The following FGF1 variants were observed in gnomAD, a reference collection of about 807,000 sequenced individuals.
FGF1 encodes fibroblast growth factor 1.
FGF1 carries 9 observed loss-of-function variants against 13.4 expected under a neutral mutation model. The ratio of observed to expected loss-of-function variants is 0.67; its 90% CI spans 0.40 to 1.17. The LOEUF is 1.17. Among genes scored for constraint, FGF1 ranks in the 50% most tolerant of loss-of-function variants. FGF1 has a pLI of 0.01. For missense variants in FGF1, 156 were observed against 192.7 expected (o/e 0.81, Z 1.13); for synonymous variants, 93 against 79.0 (o/e 1.18, Z -0.94).
At chr5:142,648,293 G>A (rs995532417) in intron 1 of FGF1, among the ~76,000 whole-genome samples, 5 of 151,976 alleles carry the variant, frequency 3.3e-5, no homozygotes, top group African/African-American at 1.2e-4. Context: ...AAAAAAAAAT[G>A]TGGCACATAT....
intron 2 of FGF1, among the ~76,000 whole-genome samples, chr5:142,696,004 A>G (rs1753055206): frequency 6.6e-6 from 1 of 152,102 alleles, no homozygotes; most frequent in Non-Finnish European, 1.5e-5. Flanking sequence ...GAACTGGGCA[A>G]GGGTGGGTGA....
chr5:142,651,125 G>T (rs569005085), intron 1 of FGF1, among the ~76,000 whole-genome samples: 1 of 151,948 alleles, frequency 6.6e-6, no homozygotes, highest in Admixed American at 6.6e-5. Context: ...CCTGAGTACC[G>T]AGAAGGGTGC....
At chr5:142,695,581 C>A (rs1456028231) in intron 2 of FGF1, among the ~76,000 whole-genome samples, 67 of 117,216 alleles carry the variant, frequency 5.7e-4, no homozygotes, top group South Asian at 1.6e-3. Flanking sequence ...GACTCTGTAT[C>A]AAAAAGAAAA....
In FGF1 at chr5:142,636,807, A is replaced by G. The variant is rs148971636; in HGVS notation, c.-34-22646T>C. On this transcript the variant is annotated intron_variant, in intron 1 of 3. Transcript: ENST00000337706. ...CAAGTTTTACTTGGGGGAACTGAAC[A>G]GAGTCCATTATGGATGAGGGGAGAA... Among the ~76,000 whole-genome samples, 78 of 152,178 alleles carry G rather than the reference A, an allele frequency of 5.1e-4. 1 individual carries two copies. In the East Asian group the frequency reaches 0.012, roughly 24 times the overall value.
At chr5:142,633,827 C>T (rs1196637297) in intron 1 of FGF1, among the ~76,000 whole-genome samples, 3 of 152,166 alleles carry the variant, frequency 2.0e-5, no homozygotes, top group Non-Finnish European at 4.4e-5. Context: ...CTCCTCCACT[C>T]CTGGCATCTG....
intron 3 of FGF1, among the ~76,000 whole-genome samples, chr5:142,596,383 T>C (rs1398058582): frequency 6.7e-6 from 1 of 149,738 alleles, no homozygotes; most frequent in Admixed American, 6.7e-5. Flanking sequence ...GGCAGGAGGA[T>C]TGCTTGAGCC....
intron 2 of FGF1, among the ~76,000 whole-genome samples, chr5:142,694,584 T>A (rs551952055): frequency 4.1e-4 from 62 of 152,242 alleles, no homozygotes; most frequent in Admixed American, 1.6e-3. Flanking sequence ...GAGATCAGAA[T>A]TTGGTTGCCT....
At chr5:142,639,158 C>T (rs773569905) in intron 1 of FGF1, among the ~76,000 whole-genome samples, 20 of 152,008 alleles carry the variant, frequency 1.3e-4, no homozygotes, top group Non-Finnish European at 7.3e-5. Flanking sequence ...ATCCAGCAAT[C>T]CTACTATTGG....
At position 142,592,741 on chromosome 5, in the gene FGF1, G is replaced by C. The variant is rs1006255047; in HGVS notation, c.*2549C>G. 3 of 306,906 alleles carry C rather than the reference G, an allele frequency of 9.8e-6. No homozygotes were observed. Among genetic ancestry groups the C allele is most frequent in the African/African-American group, 6.5e-5 (3 of 46,446 alleles). The allele number at this position is 306,906 out of a possible 1,614,324, so 19.0% of individuals were successfully genotyped here. On this transcript the variant is annotated 3_prime_UTR_variant, in exon 4 of 4. Transcript: ENST00000337706. ...CCCCTGAAGCTGACCCGGTTCTAAA[G>C]TTGAAAATGCTAAGTTTACCTTGCC... is the stretch of plus-strand genomic sequence containing the variant.
chr5:142,695,821 A>G (rs2152074887), intron 2 of FGF1, among the ~76,000 whole-genome samples: 1 of 152,306 alleles, frequency 6.6e-6, no homozygotes, highest in South Asian at 2.1e-4. Flanking sequence ...TGAAGTTCTT[A>G]AAGAACATAT....
intron 2 of FGF1, among the ~76,000 whole-genome samples, chr5:142,696,923 G>A (rs772475603): frequency 9.2e-5 from 14 of 152,166 alleles, no homozygotes; most frequent in Non-Finnish European, 1.6e-4. Context: ...AAGTGATAGT[G>A]GCGTCTATCC....
chr5:142,677,930 G>C (rs1772952137), intron 1 of FGF1, among the ~76,000 whole-genome samples: 1 of 152,074 alleles, frequency 6.6e-6, no homozygotes, highest in African/African-American at 2.4e-5. Flanking sequence ...AGTCAGAGGG[G>C]AGAAACAGGG....
intron 1 of FGF1, among the ~76,000 whole-genome samples, chr5:142,672,438 A>C (rs1438564251): frequency 6.6e-6 from 1 of 151,796 alleles, no homozygotes; most frequent in Non-Finnish European, 1.5e-5. Context: ...TACACAGCAA[A>C]TTACTCACAT....
chr5:142,599,652 C>A (rs17099062), intron 3 of FGF1, among the ~76,000 whole-genome samples: 3,758 of 152,294 alleles, frequency 0.025, 163 homozygotes, highest in African/African-American at 0.086. Context: ...TAAGCTGTCT[C>A]TCCAGTTAAC....
chr5:142,652,244 A>G lies in FGF1; in HGVS notation c.-35+33713T>C. 1.3e-5 allele frequency among the ~76,000 whole-genome samples: 2 copies of G among 152,210 alleles called. 1 individual carries two copies. Among genetic ancestry groups the G allele is most frequent in the Admixed American group, 1.3e-4 (2 of 15,280 alleles). On this transcript the variant is annotated intron_variant, in intron 1 of 3. Coordinates refer to ENST00000337706, the MANE Select transcript of FGF1 (RefSeq NM_000800.5). Reference sequence around the variant, plus strand: ...AACAGTGTTTGCACATAGTAAAAACATGTTGCCAAATGGTGCTTCTTCTTG... The same window carrying G: ...AACAGTGTTTGCACATAGTAAAAACGTGTTGCCAAATGGTGCTTCTTCTTG...
rs368732568 is a variant in FGF1, at chr5:142,592,333, G to A, written c.*2957C>T. 2.6e-4 allele frequency: 105 copies of A among 398,556 alleles called. No homozygotes were observed. The South Asian group carries it at 9.5e-3, about 36-fold the overall frequency. 24.7% of individuals were successfully genotyped at this position (398,556 alleles called of 1,614,324 possible). ...GTACACTCAAGGCTGAGGACTTGGC[G>A]CCTTGGGTTCCTTTGCCTCTGACAC... is the stretch of plus-strand genomic sequence containing the variant. On this transcript the variant is annotated 3_prime_UTR_variant, in exon 4 of 4. Coordinates refer to ENST00000337706, the MANE Select transcript of FGF1 (RefSeq NM_000800.5).
upstream of FGF1, among the ~76,000 whole-genome samples, chr5:142,690,463 C>A (rs987209094): frequency 9.9e-5 from 15 of 152,188 alleles, no homozygotes; most frequent in Admixed American, 2.0e-4. Context: ...CAAAGATAAC[C>A]ACTATTCACT....
chr5:142,622,669 T>A (rs879258962), intron 1 of FGF1, among the ~76,000 whole-genome samples: 3 of 152,220 alleles, frequency 2.0e-5, no homozygotes, highest in African/African-American at 7.2e-5. Context: ...AGGCTTTTTT[T>A]ATTTCTGCCA....
chr5:142,627,114 G>A lies in FGF1; in HGVS notation c.-34-12953C>T, dbSNP rs1597203718. On this transcript the variant is annotated intron_variant, in intron 1 of 3. Transcript: ENST00000337706. The stretch of plus-strand genomic sequence containing the variant: ...CCTTGTTAATATGAACCTGTGTTTA[G>A]TGGGTTGATTTTCTGAACTTTGATA... 3 of 152,248 alleles carry A rather than the reference G, an allele frequency of 2.0e-5. No individual in the cohort carries two copies. The South Asian group carries it at 6.2e-4, about 32-fold the overall frequency. 9.4% of individuals were successfully genotyped at this position (152,248 alleles called of 1,614,324 possible).
Sources: gnomAD v4.1 joint callset for allele counts (sites outside exome capture counted in the v4.1 genomes callset) on GRCh38, gnomAD v4.1.1 for gene constraint, MANE v1.5 for transcripts, NCBI Gene and HGNC (gene_info 2026-07-23, HGNC 2026-07-21) for gene names.